Variants in DCC observed in about 807,000 individuals in gnomAD.
DCC encodes netrin receptor DCC.
In DCC, 58 loss-of-function variants were observed where a neutral mutation model predicts 172.5. The observed-to-expected ratio is 0.34, with a 90% CI of 0.27 to 0.42. The LOEUF is 0.42. Ranked by LOEUF, DCC falls within the 10% of genes least tolerant of loss-of-function variation. The probability of loss-of-function intolerance (pLI) is 1.00; values close to 1 mark genes in which losing one functional copy is unlikely to be tolerated. For synonymous variants in DCC, 709 were observed against 644.5 expected (o/e 1.10, Z -1.52); for missense variants, 1,740 against 1,791.0 (o/e 0.97, Z 0.51).
chr18:53,520,104 A>G (rs1309724797), intron 27 of DCC, among the ~76,000 whole-genome samples: 1 of 152,130 alleles, frequency 6.6e-6, no homozygotes, highest in South Asian at 2.1e-4. Flanking sequence ...AAAGCAGTGT[A>G]GAAAAAAACC....
intron 24 of DCC, among the ~76,000 whole-genome samples, chr18:53,462,815 C>T (rs34712191): frequency 3.3e-5 from 5 of 152,222 alleles, no homozygotes; most frequent in Middle Eastern, 3.4e-3. Context: ...GTCATGAGGC[C>T]TCTGGGAAAT....
At position 52,488,035 on chromosome 18, in the gene DCC, A is replaced by T. The variant is rs1247779952; in HGVS notation, c.91+147157A>T. ...TCATATGATCAATTGTTCCCATCCC[A>T]ATCAAATGTTCCCTTAATTCTTGGT... On this transcript the variant is annotated intron_variant, in intron 1 of 28. Coordinates refer to ENST00000442544, the MANE Select transcript of DCC (RefSeq NM_005215.4). Among the ~76,000 whole-genome samples the T allele has an allele frequency of 2.6e-5, 4 of 152,182 alleles. No homozygotes were observed. The East Asian group carries it at 7.8e-4, about 30-fold the overall frequency.
chr18:52,370,821 A>T (rs1323267481), intron 1 of DCC, among the ~76,000 whole-genome samples: 1 of 152,256 alleles, frequency 6.6e-6, no homozygotes, highest in East Asian at 1.9e-4. Context: ...TTGTTTAACC[A>T]TTTTAAAAAA....
intron 7 of DCC, among the ~76,000 whole-genome samples, chr18:53,138,260 C>G (rs764756306): frequency 1.3e-5 from 2 of 152,120 alleles, no homozygotes; most frequent in Non-Finnish European, 2.9e-5. Context: ...ATGTGCCTCT[C>G]TAATGCTGTC....
intron 1 of DCC, among the ~76,000 whole-genome samples, chr18:52,611,081 G>A (rs1307633906): frequency 1.3e-5 from 2 of 152,094 alleles, no homozygotes; most frequent in South Asian, 2.1e-4. Flanking sequence ...AATCAGTTAT[G>A]TTTTGTTTTT....
chr18:52,884,932 C>T lies in DCC; in HGVS notation c.413-21112C>T, dbSNP rs186892474. Among the ~76,000 whole-genome samples the T allele has an allele frequency of 3.7e-4, 57 of 152,254 alleles. No homozygotes were observed. The East Asian group carries it at 9.7e-3, about 26-fold the overall frequency. On this transcript the variant is annotated intron_variant, in intron 2 of 28. Coordinates refer to ENST00000442544, the MANE Select transcript of DCC (RefSeq NM_005215.4). ...ACTCATAGAGGTACCACTATGGTGG[C>T]CTTAGATTTAATCTGAAAAACTTCT...
chr18:52,852,472 T>C (rs928128028), intron 2 of DCC, among the ~76,000 whole-genome samples: 4 of 152,174 alleles, frequency 2.6e-5, no homozygotes, highest in Admixed American at 2.6e-4. Context: ...ACAAAATATC[T>C]GAGCAGCCAA....
chr18:53,520,278 A>G (rs2046385424), intron 27 of DCC, among the ~76,000 whole-genome samples: 1 of 152,138 alleles, frequency 6.6e-6, no homozygotes, highest in Admixed American at 6.6e-5. Context: ...GGTGTCCAGT[A>G]TCCTGTTTGG....
intron 12 of DCC, among the ~76,000 whole-genome samples, chr18:53,235,649 C>A (rs2056190332): frequency 6.6e-6 from 1 of 151,680 alleles, no homozygotes; most frequent in Non-Finnish European, 1.5e-5. Flanking sequence ...ACCATTTCAA[C>A]TGTTTTTAAG....
chr18:52,430,372 G>T (rs1464240961), intron 1 of DCC, among the ~76,000 whole-genome samples: 1 of 149,066 alleles, frequency 6.7e-6, no homozygotes, highest in African/African-American at 2.5e-5. Context: ...AGATGTGAAT[G>T]CAACATACTT....
At position 53,410,617 on chromosome 18, in the gene DCC, C is replaced by A; in HGVS notation, c.3101C>A (p.Ser1034Tyr). ...AATTCAAAAGGAGTGGGGCCACTCT[C>A]TGATCCTATCCTCTTCAGGACTCTG... ...ARNSKGVGPLSDPILFRTLKV... is the reference protein window; with the variant it reads ...ARNSKGVGPLYDPILFRTLKV... Residue 1034 changes from serine (S) to tyrosine (Y), a missense_variant, in exon 20 of 29, where the codon TCT becomes TAT. This residue lies in a region of DCC where 1,732 missense variants were observed against 1,767.4 expected (regional missense o/e 0.98). Coordinates refer to ENST00000442544, the MANE Select transcript of DCC (RefSeq NM_005215.4). 1 of 1,606,208 alleles carries A rather than the reference C, an allele frequency of 6.2e-7. No individual in the cohort carries two copies. Among genetic ancestry groups the A allele is most frequent in the Non-Finnish European group, 8.5e-7 (1 of 1,172,684 alleles).
chr18:52,435,848 A>G (rs1343626699), intron 1 of DCC, among the ~76,000 whole-genome samples: 1 of 152,154 alleles, frequency 6.6e-6, no homozygotes, highest in Non-Finnish European at 1.5e-5. Context: ...TCTATCTGTG[A>G]GTGACGGAGC....
At chr18:53,136,610 G>A (rs1297512987) in intron 7 of DCC, among the ~76,000 whole-genome samples, 1 of 152,132 alleles carries the variant, frequency 6.6e-6, no homozygotes, top group Non-Finnish European at 1.5e-5. Context: ...GCTAGGAACT[G>A]GAGGTGGCAG....
Position 53,513,279 on chromosome 18 carries a change from A to G in DCC, c.4112-13338A>G, listed in dbSNP as rs143603552. On this transcript the variant is annotated intron_variant, in intron 27 of 28. Coordinates refer to ENST00000442544, the MANE Select transcript of DCC (RefSeq NM_005215.4). ...CAAATGCTGAGAGATTTTTGTCACC[A>G]CCAGGCCTGCCCTAAAAGAACTCCT... Among the ~76,000 whole-genome samples the G allele has an allele frequency of 6.8e-4, 103 of 152,274 alleles. No individual in the cohort carries two copies. The East Asian group carries it at 0.019, about 28-fold the overall frequency.
chr18:52,740,451 A>T (rs1410981204), intron 1 of DCC, among the ~76,000 whole-genome samples: 1 of 152,206 alleles, frequency 6.6e-6, no homozygotes, highest in Non-Finnish European at 1.5e-5. Flanking sequence ...GAAAATCGCT[A>T]TTTGGCCTCT....
At chr18:52,949,957 G>A (rs967615020) in intron 5 of DCC, among the ~76,000 whole-genome samples, 10 of 152,118 alleles carry the variant, frequency 6.6e-5, no homozygotes, top group African/African-American at 2.2e-4. Flanking sequence ...AGTAGTCAGG[G>A]ACATCTCACC....
intron 19 of DCC, among the ~76,000 whole-genome samples, chr18:53,405,341 T>G (rs1053242809): frequency 2.6e-5 from 4 of 152,130 alleles, no homozygotes; most frequent in African/African-American, 9.7e-5. Context: ...AGTTAAGAAC[T>G]CAGGCTTCTA....
chr18:52,391,431 A>G (rs771678412), intron 1 of DCC, among the ~76,000 whole-genome samples: 2 of 152,172 alleles, frequency 1.3e-5, no homozygotes, highest in Non-Finnish European at 2.9e-5. Flanking sequence ...ACTGAAATAT[A>G]TAGTTTAAAC....
chr18:52,887,745 T>C (rs2039589749), intron 2 of DCC, among the ~76,000 whole-genome samples: 1 of 152,198 alleles, frequency 6.6e-6, no homozygotes, highest in Non-Finnish European at 1.5e-5. Context: ...ATATCCAGTT[T>C]CATAGTATAG....
Sources: allele counts gnomAD v4.1 joint callset (sites outside exome capture counted in the v4.1 genomes callset), GRCh38; gene constraint gnomAD v4.1.1; regional missense constraint gnomAD v4.1.1; transcripts MANE v1.5; gene names NCBI Gene and HGNC (gene_info 2026-07-23, HGNC 2026-07-21).